The following EDNRB variants were observed in gnomAD, a reference collection of about 807,000 sequenced individuals.
EDNRB encodes the protein endothelin receptor type B, also known as Hirschsprung disease 2.
A neutral mutation model predicts 46.4 loss-of-function variants in EDNRB; 18 were observed. The ratio of observed to expected loss-of-function variants is 0.39; its 90% CI spans 0.27 to 0.57. The LOEUF is 0.57. Among genes scored for constraint, EDNRB ranks in the 20% least tolerant of loss-of-function variants. The pLI, the probability that EDNRB is intolerant of heterozygous loss-of-function variation, is 0.61. For synonymous variants in EDNRB, 213 were observed against 204.9 expected (o/e 1.04, Z -0.34); for missense variants, 434 against 537.5 (o/e 0.81, Z 1.90).
chr13:77,910,800 A>G (rs1439235062), intron 1 of EDNRB, among the ~76,000 whole-genome samples: 2 of 152,010 alleles, frequency 1.3e-5, no homozygotes, highest in African/African-American at 4.8e-5. Flanking sequence ...ACACACATCC[A>G]CAAAACAGAG....
At chr13:77,961,309 T>C (rs2137684891) in intron 1 of EDNRB, among the ~76,000 whole-genome samples, 1 of 152,164 alleles carries the variant, frequency 6.6e-6, no homozygotes, top group East Asian at 1.9e-4. Flanking sequence ...CTAATAGACA[T>C]CTACAGAACT....
intron 1 of EDNRB, among the ~76,000 whole-genome samples, chr13:77,963,007 A>C (rs1463078268): frequency 6.6e-6 from 1 of 152,246 alleles, no homozygotes; most frequent in East Asian, 1.9e-4. Flanking sequence ...TCATGAGTGA[A>C]CTCCCATTCA....
intron 1 of EDNRB, among the ~76,000 whole-genome samples, chr13:77,965,487 T>C (rs1479086293): frequency 6.6e-6 from 1 of 152,144 alleles, no homozygotes; most frequent in Non-Finnish European, 1.5e-5. Context: ...ATATGGGAAT[T>C]ATTGAAGAAT....
chr13:77,905,747 T>C (rs1879242376), intron 1 of EDNRB, among the ~76,000 whole-genome samples: 2 of 152,016 alleles, frequency 1.3e-5, no homozygotes, highest in Admixed American at 6.6e-5. Context: ...GCGAAGAGCA[T>C]TCTAGGCAGA....
chr13:77,912,268 G>T (rs1400046136), intron 1 of EDNRB, among the ~76,000 whole-genome samples: 1 of 152,060 alleles, frequency 6.6e-6, no homozygotes, highest in Non-Finnish European at 1.5e-5. Flanking sequence ...TGGATTTACG[G>T]AGTGACCAAG....
chr13:77,940,478 G>T (rs1481754924), intron 1 of EDNRB, among the ~76,000 whole-genome samples: 2 of 152,174 alleles, frequency 1.3e-5, no homozygotes, highest in Admixed American at 1.3e-4. Context: ...ATCTTCCTGG[G>T]AAATTTAATC....
intron 1 of EDNRB, among the ~76,000 whole-genome samples, chr13:77,948,418 A>G (rs887080156): frequency 3.9e-5 from 6 of 152,230 alleles, no homozygotes; most frequent in Non-Finnish European, 8.8e-5. Context: ...GGAGAATTGC[A>G]CAGTGCAGTG....
At chr13:77,934,194 G>C (rs1880486862) in intron 1 of EDNRB, among the ~76,000 whole-genome samples, 1 of 152,168 alleles carries the variant, frequency 6.6e-6, no homozygotes, top group South Asian at 2.1e-4. Flanking sequence ...AATAAGGAGT[G>C]TCCATACAGG....
intron 1 of EDNRB, among the ~76,000 whole-genome samples, chr13:77,974,619 TC>T (rs1881831503): frequency 1.2e-5 from 1 of 80,478 alleles, no homozygotes; most frequent in Admixed American, 1.3e-4. Flanking sequence ...TCTCTGCCTC[TC>T]TCTCTCTCTC....
chr13:77,933,292 G>A (rs1594382553), intron 1 of EDNRB, among the ~76,000 whole-genome samples: 1 of 152,192 alleles, frequency 6.6e-6, no homozygotes, highest in East Asian at 1.9e-4. Flanking sequence ...AATCACCTGG[G>A]TGCAGGCAGG....
chr13:77,901,282 A>C, intron 3 of EDNRB, 75 bp from the exon 4 acceptor site: 1 of 1,495,312 alleles, frequency 6.7e-7, no homozygotes, highest in East Asian at 2.4e-5. Context: ...TTAAACTTAA[A>C]AAAATTCATC....
chr13:77,904,954 G>T (rs1211234085), intron 1 of EDNRB, among the ~76,000 whole-genome samples: 1 of 151,942 alleles, frequency 6.6e-6, no homozygotes, highest in Non-Finnish European at 1.5e-5. Flanking sequence ...CTAGAATGAC[G>T]TCAAAGGCTA....
In EDNRB at chr13:77,918,545, C is replaced by G; in HGVS notation, c.29G>C (p.Arg10Pro). ...GGCAAGAACCAGCGCAACCAGGGCGCGTCCGCACAGACTTGGAGGCGGCTG... is the reference window on the plus strand; with the variant it reads ...GGCAAGAACCAGCGCAACCAGGGCGGGTCCGCACAGACTTGGAGGCGGCTG... Reference protein sequence around the residue: MQPPPSLCGRALVALVLACG... With the variant: MQPPPSLCGPALVALVLACG... The change falls in exon 1 of 7, where the codon CGC (arginine) becomes CCC (proline). Residue 10 changes from arginine to proline, a missense_variant. By Grantham distance (103) the Arg-to-Pro change is moderately radical. Transcript: ENST00000646607. This position sits in a 1 kb window ranked among gnomAD's most constrained non-coding sequence, Gnocchi z 4.5. 6.3e-7 allele frequency: 1 copy of G among 1,596,788 alleles called. No homozygotes were observed. Among genetic ancestry groups the G allele is most frequent in the Non-Finnish European group, 8.5e-7 (1 of 1,174,184 alleles).
intron 1 of EDNRB, among the ~76,000 whole-genome samples, chr13:77,967,859 C>A (rs1038090144): frequency 6.6e-6 from 1 of 152,180 alleles, no homozygotes; most frequent in Non-Finnish European, 1.5e-5. Context: ...TTTAAGTGAG[C>A]TACTATGCCT....
chr13:77,952,324 C>CA (rs1375550325), intron 1 of EDNRB, among the ~76,000 whole-genome samples: 3 of 151,990 alleles, frequency 2.0e-5, no homozygotes, highest in African/African-American at 7.2e-5. Flanking sequence ...CTATATTTTG[C>CA]AAAAAAATCA....
At chr13:77,909,757 G>A (rs565203667) in intron 1 of EDNRB, among the ~76,000 whole-genome samples, 54 of 152,042 alleles carry the variant, frequency 3.6e-4, no homozygotes, top group Non-Finnish European at 2.9e-4. Flanking sequence ...TTGATCACAC[G>A]GCAGAAATCA....
chr13:77,963,398 C>T (rs573272487), intron 1 of EDNRB, among the ~76,000 whole-genome samples: 29 of 152,310 alleles, frequency 1.9e-4, no homozygotes, highest in African/African-American at 6.5e-4. Flanking sequence ...ACCAAAACAG[C>T]ATGGTACTGG....
At chr13:77,954,128 G>C (rs1424767314) in intron 1 of EDNRB, among the ~76,000 whole-genome samples, 1 of 151,156 alleles carries the variant, frequency 6.6e-6, no homozygotes, top group Non-Finnish European at 1.5e-5. Flanking sequence ...TTTGTTTCTT[G>C]TGTTGACATT....
chr13:77,931,534 A>G (rs528468550), intron 1 of EDNRB, among the ~76,000 whole-genome samples: 2 of 152,270 alleles, frequency 1.3e-5, no homozygotes, highest in African/African-American at 4.8e-5. Flanking sequence ...TTTTCAAAGT[A>G]GATCAGAGAA....
Sources: allele counts gnomAD v4.1 joint callset (sites outside exome capture counted in the v4.1 genomes callset), GRCh38; gene constraint gnomAD v4.1.1; non-coding constraint Gnocchi (gnomAD v3.1); transcripts MANE v1.5; gene names NCBI Gene and HGNC (gene_info 2026-07-23, HGNC 2026-07-21).